Variants in ATG3 observed in about 807,000 individuals in gnomAD.
ATG3 encodes the protein autophagy related 3, also known as ubiquitin-like-conjugating enzyme ATG3.
ATG3 carries 25 observed loss-of-function variants against 50.7 expected under a neutral mutation model. The ratio of observed to expected loss-of-function variants is 0.49; its 90% CI spans 0.36 to 0.69. The LOEUF (loss-of-function observed/expected upper bound fraction) is 0.69. ATG3 is among the 30% of genes least tolerant of loss of function. The pLI, the probability that ATG3 is intolerant of heterozygous loss-of-function variation, is 0.00. For synonymous variants in ATG3, 119 were observed against 125.5 expected, an observed-to-expected ratio of 0.95 and a Z score of 0.34; for missense variants, 281 against 376.0, an observed-to-expected ratio of 0.75 and a Z score of 2.09.
At chr3:112,545,532 C>T (rs1933347475) in intron 5 of ATG3, among the ~76,000 whole-genome samples, 1 of 152,138 alleles carries the variant, frequency 6.6e-6, no homozygotes, top group Non-Finnish European at 1.5e-5. Flanking sequence ...TAAAATAGGT[C>T]AAAATCCACA....
At chr3:112,539,762 A>G (rs377527290) in intron 7 of ATG3, among the ~76,000 whole-genome samples, 14 of 152,350 alleles carry the variant, frequency 9.2e-5, no homozygotes, top group African/African-American at 3.4e-4. Flanking sequence ...TATATTAGAT[A>G]CCATTAACAC....
intron 6 of ATG3, among the ~76,000 whole-genome samples, chr3:112,543,516 A>G (rs1421397344): frequency 6.6e-6 from 1 of 152,136 alleles, no homozygotes; most frequent in Non-Finnish European, 1.5e-5. Context: ...GATGCAAGCT[A>G]AAGTTTGCTT....
At chr3:112,542,082 T>C (rs1933247217) in intron 6 of ATG3, among the ~76,000 whole-genome samples, 198 bp from the exon 7 acceptor site, 1 of 152,020 alleles carries the variant, frequency 6.6e-6, no homozygotes, top group African/African-American at 2.4e-5. Context: ...GTGCTGTGAC[T>C]GAAAAATAAC....
chr3:112,557,395 G>A (rs115564869), intron 2 of ATG3, among the ~76,000 whole-genome samples: 1,731 of 152,264 alleles, frequency 0.011, 26 homozygotes, highest in African/African-American at 0.036. Flanking sequence ...CGAGGCAGGC[G>A]GATCACGAGG....
intron 1 of ATG3, among the ~76,000 whole-genome samples, chr3:112,560,736 AT>A (rs1365323696): frequency 1.3e-5 from 2 of 152,214 alleles, no homozygotes; most frequent in Non-Finnish European, 2.9e-5. Context: ...TAAAAAAAAA[AT>A]CAGTCACTAC....
At chr3:112,550,064 G>T in intron 4 of ATG3, 128 bp downstream of exon 4, 1 of 602,650 alleles carries the variant, frequency 1.7e-6, no homozygotes, top group Non-Finnish European at 2.8e-6. Flanking sequence ...ATATGTTTTT[G>T]GCAAAAAGAA....
chr3:112,534,446 ATT>A (rs1159657474), intron 10 of ATG3, 109 bp from the exon 11 acceptor site: 2 of 704,748 alleles, frequency 2.8e-6, no homozygotes, highest in Non-Finnish European at 4.1e-6. Context: ...CAGTGAATTA[ATT>A]TTTAATAGTT....
At chr3:112,543,960 T>C in intron 6 of ATG3, 97 bp downstream of exon 6, 1 of 865,210 alleles carries the variant, frequency 1.2e-6, no homozygotes, top group Non-Finnish European at 1.7e-6. Flanking sequence ...AGGGTTTTTA[T>C]AAGAAAGATA....
intron 10 of ATG3, chr3:112,535,139 T>C (rs548133269): frequency 6.6e-6 from 1 of 152,260 alleles, no homozygotes; most frequent in African/African-American, 2.4e-5. Flanking sequence ...AAAAAGATAA[T>C]TTTTAAAGAA....
At chr3:112,532,927 G>T (rs1405866739) in intron 11 of ATG3, 147 bp from the exon 12 acceptor site, 1 of 1,311,346 alleles carries the variant, frequency 7.6e-7, no homozygotes. Context: ...ATTCAACTAT[G>T]CAAATTTGTG....
intron 11 of ATG3, 82 bp from the exon 12 acceptor site, chr3:112,532,862 A>AT: frequency 2.9e-6 from 4 of 1,376,348 alleles, no homozygotes; most frequent in Non-Finnish European, 3.8e-6. Flanking sequence ...CATTTTATTA[A>AT]GCCATTAATT....
At chr3:112,537,955 A>C (rs1286609270) in intron 8 of ATG3, 65 bp from the exon 9 acceptor site, 1 of 1,454,630 alleles carries the variant, frequency 6.9e-7, no homozygotes, top group African/African-American at 1.4e-5. Context: ...ATTCTAGAAA[A>C]CTTATTTTTT....
intron 2 of ATG3, among the ~76,000 whole-genome samples, chr3:112,554,482 T>C (rs1266818277): frequency 6.6e-6 from 1 of 152,190 alleles, no homozygotes; most frequent in Non-Finnish European, 1.5e-5. Context: ...CTCCACTGCC[T>C]ATCCCAAAAT....
chr3:112,558,116 T>C (rs537128335), intron 2 of ATG3: 16 of 450,610 alleles, frequency 3.6e-5, no homozygotes, highest in South Asian at 2.9e-4. Flanking sequence ...ATAAGTGACA[T>C]AGGACTCATT....
chr3:112,536,336 AAG>A (rs1933047490), intron 10 of ATG3, 137 bp downstream of exon 10: 1 of 960,180 alleles, frequency 1.0e-6, no homozygotes, highest in Admixed American at 2.9e-5. Context: ...GAAAATTTCT[AAG>A]GAGGACAAGA....
intron 2 of ATG3, among the ~76,000 whole-genome samples, chr3:112,554,290 AAAG>A (rs1345519433): frequency 1.3e-5 from 2 of 152,342 alleles, no homozygotes; most frequent in East Asian, 3.9e-4. Flanking sequence ...AAGATCCACA[AAAG>A]AAGTGAAAAT....
chr3:112,534,412 T>C, intron 10 of ATG3, 75 bp from the exon 11 acceptor site: 1 of 1,270,600 alleles, frequency 7.9e-7, no homozygotes, highest in South Asian at 1.8e-5. Context: ...TTTTCATTTG[T>C]AAAGAAATCG....
At chr3:112,534,872 T>C (rs932822448) in intron 10 of ATG3, 3 of 151,898 alleles carry the variant, frequency 2.0e-5, no homozygotes, top group Non-Finnish European at 4.4e-5. Flanking sequence ...TAGCTGAGAA[T>C]AAGCCAAAAC....
intron 1 of ATG3, among the ~76,000 whole-genome samples, chr3:112,559,778 T>C (rs925979113): frequency 2.3e-4 from 35 of 152,182 alleles, no homozygotes; most frequent in Non-Finnish European, 3.5e-4. Context: ...GCAGATGAGA[T>C]TGGGGCCTCT....
Sources: allele counts gnomAD v4.1 joint callset (sites outside exome capture counted in the v4.1 genomes callset), GRCh38; gene constraint gnomAD v4.1.1; transcripts MANE v1.5; gene names NCBI Gene and HGNC (gene_info 2026-07-23, HGNC 2026-07-21).